The following CIBAR1 variants were observed in gnomAD, a reference collection of about 807,000 sequenced individuals.
CIBAR1 encodes the protein CBY1-interacting BAR domain-containing protein 1.
Under a neutral mutation model 44.0 loss-of-function variants are expected in CIBAR1, and 25 were observed. That is an observed-to-expected ratio of 0.57 (90% confidence interval 0.41 to 0.79). The LOEUF (loss-of-function observed/expected upper bound fraction) is 0.79, where lower values mean the gene tolerates loss of function less well. Among genes scored for constraint, CIBAR1 ranks in the 30% least tolerant of loss-of-function variants. CIBAR1 has a pLI of 0.00. For missense variants in CIBAR1, 278 were observed against 344.8 expected (o/e 0.81, Z 1.53); for synonymous variants, 115 against 119.0 (o/e 0.97, Z 0.22).
intron 7 of CIBAR1, chr8:93,724,644 TA>T: frequency 8.4e-7 from 1 of 1,193,226 alleles, no homozygotes; most frequent in African/African-American, 1.6e-5. Flanking sequence ...GTCTTCTAGG[TA>T]AAAGATAATG....
chr8:93,704,551 G>T (rs537074443), intron 3 of CIBAR1, among the ~76,000 whole-genome samples: 2 of 152,240 alleles, frequency 1.3e-5, no homozygotes, highest in African/African-American at 4.8e-5. Flanking sequence ...GGGGTTGGGA[G>T]CCCTTGATTT....
chr8:93,722,073 C>T (rs772285942), intron 7 of CIBAR1, among the ~76,000 whole-genome samples: 2 of 152,242 alleles, frequency 1.3e-5, no homozygotes, highest in East Asian at 1.9e-4. Flanking sequence ...GTATAGGGCA[C>T]GAGCACGTGT....
Position 93,726,602 on chromosome 8 carries a change from C to T in CIBAR1, c.777+89C>T, listed in dbSNP as rs16916159. The T allele has an allele frequency of 4.1e-3, 6,143 of 1,486,112 alleles. 203 individuals carry two copies. The African/African-American group carries it at 0.073, about 18-fold the overall frequency. The allele number at this position is 1,486,112 out of a possible 1,614,324, so 92.1% of individuals were successfully genotyped here. On this transcript the variant is annotated intron_variant, in intron 8 of 8. Coordinates refer to ENST00000518322, the MANE Select transcript of CIBAR1 (RefSeq NM_145269.5). ...AAATGTTTCCCCTCAGTCATATCACCTCGGTAACTTATCCTCCCCTGGACC... is the reference window on the plus strand; with the variant it reads ...AAATGTTTCCCCTCAGTCATATCACTTCGGTAACTTATCCTCCCCTGGACC...
At chr8:93,717,057 C>T (rs1811061673) in intron 6 of CIBAR1, among the ~76,000 whole-genome samples, 1 of 152,332 alleles carries the variant, frequency 6.6e-6, no homozygotes, top group South Asian at 2.1e-4. Flanking sequence ...AAATGTTGCC[C>T]AAGCTGGTCT....
intron 7 of CIBAR1, among the ~76,000 whole-genome samples, chr8:93,722,707 A>G (rs954366468): frequency 6.6e-5 from 10 of 152,168 alleles, no homozygotes; most frequent in African/African-American, 2.2e-4. Flanking sequence ...CTCACAAAAA[A>G]AAAAAATATT....
Position 93,726,791 on chromosome 8 carries a change from A to G in CIBAR1, c.777+278A>G, listed in dbSNP as rs1284564963. 3 of 387,242 alleles carry G rather than the reference A, an allele frequency of 7.7e-6. No homozygotes were observed. The Admixed American group carries it at 1.2e-4, about 16-fold the overall frequency. The allele number at this position is 387,242 out of a possible 1,614,324, so 24.0% of individuals were successfully genotyped here. The stretch of plus-strand genomic sequence containing the variant: ...TGCTAATGCAGATGTGTTATCTGCT[A>G]TAATATGAAGAGCAGATTCTGAAGT... On this transcript the variant is annotated intron_variant, in intron 8 of 8. Coordinates refer to ENST00000518322, the MANE Select transcript of CIBAR1 (RefSeq NM_145269.5).
At chr8:93,709,346 A>G (rs535200728) in intron 5 of CIBAR1, among the ~76,000 whole-genome samples, 1 of 152,358 alleles carries the variant, frequency 6.6e-6, no homozygotes, top group African/African-American at 2.4e-5. Flanking sequence ...TTACTAAGTC[A>G]TAAGTCCTTT....
chr8:93,730,631 G>A lies in CIBAR1; in HGVS notation c.*2334G>A, dbSNP rs530353467. ...CTGGCTTTCTGAGGGGACAACAGGA[G>A]GGGAATTCCTTGATTTGCTGCATTT... On this transcript the variant is annotated 3_prime_UTR_variant, in exon 9 of 9. Coordinates refer to ENST00000518322, the MANE Select transcript of CIBAR1 (RefSeq NM_145269.5). 2.2e-4 allele frequency: 34 copies of A among 152,154 alleles called. No individual in the cohort carries two copies. Among genetic ancestry groups the A allele is most frequent in the African/African-American group, 8.2e-4 (34 of 41,526 alleles). The allele number at this position is 152,154 out of a possible 1,614,324, so 9.4% of individuals were successfully genotyped here.
At chr8:93,724,951 G>T (rs1811417101) in intron 7 of CIBAR1, among the ~76,000 whole-genome samples, 1 of 152,126 alleles carries the variant, frequency 6.6e-6, no homozygotes, top group African/African-American at 2.4e-5. Flanking sequence ...TTGAAGGGTA[G>T]TCATTAACAG....
In CIBAR1 at chr8:93,726,258, C is replaced by T. The variant is rs574716814; in HGVS notation, c.658-136C>T. 5.6e-6 allele frequency: 4 copies of T among 714,594 alleles called. No homozygotes were observed. The African/African-American group carries it at 7.2e-5, about 13-fold the overall frequency. The allele number at this position is 714,594 out of a possible 1,614,324, so 44.3% of individuals were successfully genotyped here. On this transcript the variant is annotated intron_variant, in intron 7 of 8. Transcript: ENST00000518322. ...CTTATTTTTGTTGTCTTTTCTTTTA[C>T]ATTTACAATAATTGGAATTTTGTCC...
chr8:93,718,633 A>G, intron 6 of CIBAR1, 42 bp from the exon 7 acceptor site: 1 of 1,176,132 alleles, frequency 8.5e-7, no homozygotes, highest in East Asian at 2.6e-5. Context: ...TCATAAAGAA[A>G]TTTAAATCAT....
intron 7 of CIBAR1, chr8:93,725,794 A>G (rs1018354972): frequency 6.6e-6 from 1 of 152,204 alleles, no homozygotes; most frequent in African/African-American, 2.4e-5. Context: ...AAAGTTCAAG[A>G]GATTCATATC....
chr8:93,722,134 C>T (rs879484489), intron 7 of CIBAR1, among the ~76,000 whole-genome samples: 1 of 152,202 alleles, frequency 6.6e-6, no homozygotes, highest in Non-Finnish European at 1.5e-5. Flanking sequence ...GTGGAGAGAA[C>T]AGTCTGGAGA....
chr8:93,700,678 C>G lies in CIBAR1; in HGVS notation c.26+5C>G, dbSNP rs1810301673. The G allele has an allele frequency of 6.6e-7, 1 of 1,504,318 alleles. No homozygotes were observed. Among genetic ancestry groups the G allele is most frequent in the Admixed American group, 2.2e-5 (1 of 44,586 alleles). 93.2% of individuals were successfully genotyped at this position (1,504,318 alleles called of 1,614,324 possible). A position where few individuals can be genotyped will look rare whatever the true frequency, so the allele number is the denominator to read the frequency against. On this transcript the variant is annotated splice_donor_5th_base_variant and intron_variant, in intron 1 of 8. Coordinates refer to ENST00000518322, the MANE Select transcript of CIBAR1 (RefSeq NM_145269.5). ...GAGGCGCACCCTGGAAAACCGGTAA[C>G]AGCCCGAGCCCAGCTGCCCAGGGCC... is the stretch of plus-strand genomic sequence containing the variant.
At chr8:93,716,345 G>C (rs1289902593) in intron 6 of CIBAR1, among the ~76,000 whole-genome samples, 1 of 151,184 alleles carries the variant, frequency 6.6e-6, no homozygotes, top group Admixed American at 6.6e-5. Context: ...CACCCGGCCT[G>C]TGTTTGTTGT....
intron 6 of CIBAR1, among the ~76,000 whole-genome samples, chr8:93,714,956 C>T (rs967377063): frequency 3.3e-5 from 5 of 152,194 alleles, no homozygotes; most frequent in Admixed American, 2.6e-4. Context: ...GCTACTGCTT[C>T]TGATAAGGGC....
In CIBAR1 at chr8:93,728,522, C is replaced by CT. The variant is rs954848115; in HGVS notation, c.*234dup. 443 of 353,060 alleles carry CT rather than the reference C, an allele frequency of 1.3e-3. No individual in the cohort carries two copies. Among genetic ancestry groups the CT allele is most frequent in the Middle Eastern group, 3.0e-3 (4 of 1,322 alleles). 21.9% of individuals were successfully genotyped at this position (353,060 alleles called of 1,614,324 possible). A position where few individuals can be genotyped will look rare whatever the true frequency, so the allele number is the denominator to read the frequency against. The stretch of plus-strand genomic sequence containing the variant: ...TGTTACATGATTTTTGTGTAAGTGC[C>CT]TTTTTTTTTAAAGATGGTGTATTTC... On this transcript the variant is annotated 3_prime_UTR_variant, in exon 9 of 9. Transcript: ENST00000518322.
intron 6 of CIBAR1, among the ~76,000 whole-genome samples, chr8:93,712,821 T>TC (rs1043875489): frequency 2.6e-5 from 4 of 151,366 alleles, no homozygotes; most frequent in African/African-American, 4.9e-5. Flanking sequence ...TTTTTTTTTT[T>TC]TCTTAAGATA....
In CIBAR1 at chr8:93,730,421, G is replaced by A. The variant is rs1488438264; in HGVS notation, c.*2124G>A. ...TTTTAGATAATTTCTAGACAAAAAT[G>A]TTTGGCTTTAAGACAAATGCCACTG... On this transcript the variant is annotated 3_prime_UTR_variant, in exon 9 of 9. Transcript: ENST00000518322. 1 of 152,124 alleles carries A rather than the reference G, an allele frequency of 6.6e-6. No individual in the cohort carries two copies. Among genetic ancestry groups the A allele is most frequent in the Non-Finnish European group, 1.5e-5 (1 of 68,014 alleles). 9.4% of individuals were successfully genotyped at this position (152,124 alleles called of 1,614,324 possible).
Sources: gnomAD v4.1 joint callset for allele counts (sites outside exome capture counted in the v4.1 genomes callset) on GRCh38, gnomAD v4.1.1 for gene constraint, MANE v1.5 for transcripts, NCBI Gene and HGNC (gene_info 2026-07-23, HGNC 2026-07-21) for gene names.